ANKRD18A: variants seen among roughly 807,000 people sequenced by gnomAD.
ANKRD18A encodes the protein ankyrin repeat domain-containing protein 18A.
ANKRD18A carries 72 observed loss-of-function variants against 110.6 expected under a neutral mutation model. The ratio of observed to expected loss-of-function variants is 0.65; its 90% CI spans 0.54 to 0.79. The LOEUF (loss-of-function observed/expected upper bound fraction) is 0.79. ANKRD18A is among the 30% of genes least tolerant of loss of function. The pLI, the probability that ANKRD18A is intolerant of heterozygous loss-of-function variation, is 0.00. For synonymous variants in ANKRD18A, 305 were observed against 410.3 expected, an observed-to-expected ratio of 0.74 and a Z score of 3.10; for missense variants, 934 against 1,163.3, an observed-to-expected ratio of 0.80 and a Z score of 2.87.
chr9:38,598,374 C>G (rs976674226), intron 8 of ANKRD18A, among the ~76,000 whole-genome samples: 1 of 152,130 alleles, frequency 6.6e-6, no homozygotes, highest in Non-Finnish European at 1.5e-5. Context: ...TTTCCAGAAC[C>G]GTCATTTAGA....
downstream of ANKRD18A, chr9:38,567,359 T>C (rs1197674323): frequency 2.0e-5 from 3 of 152,226 alleles, no homozygotes; most frequent in Non-Finnish European, 4.4e-5. Flanking sequence ...ATCCTTGAAC[T>C]GGAAACAGTG....
intron 8 of ANKRD18A, among the ~76,000 whole-genome samples, chr9:38,598,022 A>G (rs1482680343): frequency 6.6e-6 from 1 of 152,218 alleles, no homozygotes; most frequent in Non-Finnish European, 1.5e-5. Flanking sequence ...AAACAGTTTG[A>G]GTCAAACAGA....
chr9:38,592,786 TA>T (rs1279436826), intron 10 of ANKRD18A, among the ~76,000 whole-genome samples: 7 of 152,054 alleles, frequency 4.6e-5, no homozygotes. Context: ...ACAACATGGA[TA>T]AAATTCTGAA....
In ANKRD18A at chr9:38,575,524, A is replaced by C. The variant is rs1823845915; in HGVS notation, c.2916T>G (p.Pro972=). 6.4e-7 allele frequency: 1 copy of C among 1,551,586 alleles called. No homozygotes were observed. The highest frequency in any genetic ancestry group is 1.2e-5 in the South Asian group (1 of 84,056). The change falls in exon 15 of 16, where the codon CCT becomes CCG. Residue 972 remains proline (P), a synonymous_variant. Transcript: ENST00000399703. ...TATTTGAAGTCTGTGGGTTTGAAGT[A>C]GGAATTCTTATGGCCGTTTTGGGAA... is the stretch of plus-strand genomic sequence containing the variant. ...KYIPKTAIRI[P]TSNPQTSNNC...
Position 38,595,651 on chromosome 9 carries a change from A to G in ANKRD18A, c.1689T>C (p.Ala563=). The G allele has an allele frequency of 6.4e-7, 1 of 1,551,022 alleles. No individual in the cohort carries two copies. The highest frequency in any genetic ancestry group is 8.7e-7 in the Non-Finnish European group (1 of 1,146,630). ...TCTCTTTATTATCGCCTTCCTTACGAGCATCCTCTAGTTGTCGTTCAAGCA... is the reference window on the plus strand; with the variant it reads ...TCTCTTTATTATCGCCTTCCTTACGGGCATCCTCTAGTTGTCGTTCAAGCA... The part of the protein sequence containing the change: ...NLLLERQLED[A]RKEGDNKEIV... Residue 563 remains alanine (A), a synonymous_variant, in exon 9 of 16, where the codon GCT becomes GCC. Transcript: ENST00000399703.
At chr9:38,600,151 C>G (rs984053024) in intron 8 of ANKRD18A, among the ~76,000 whole-genome samples, 1 of 152,096 alleles carries the variant, frequency 6.6e-6, no homozygotes, top group Non-Finnish European at 1.5e-5. Context: ...AAACGTGAAC[C>G]AGGAAGCTTA....
At chr9:38,615,202 T>C (rs537360897) in intron 3 of ANKRD18A, among the ~76,000 whole-genome samples, 12 of 152,138 alleles carry the variant, frequency 7.9e-5, no homozygotes, top group Non-Finnish European at 1.6e-4. Flanking sequence ...GATACATCCA[T>C]TTTGTTAGAA....
At chr9:38,579,630 T>C (rs1244524470) in intron 12 of ANKRD18A, among the ~76,000 whole-genome samples, 2 of 152,178 alleles carry the variant, frequency 1.3e-5, no homozygotes, top group Non-Finnish European at 2.9e-5. Context: ...CAATGTGATA[T>C]AATCTTGCTC....
chr9:38,617,893 C>G (rs1390053374), intron 1 of ANKRD18A, among the ~76,000 whole-genome samples: 2 of 152,008 alleles, frequency 1.3e-5, no homozygotes, highest in Non-Finnish European at 2.9e-5. Flanking sequence ...CTTCTATAAA[C>G]CAATATTTTT....
intron 10 of ANKRD18A, among the ~76,000 whole-genome samples, chr9:38,591,937 T>C (rs1419358813): frequency 6.6e-6 from 1 of 152,204 alleles, no homozygotes; most frequent in African/African-American, 2.4e-5. Context: ...CCTTCACGAG[T>C]ACTCTGCTGA....
rs190164865 is a variant in ANKRD18A, at chr9:38,588,763, G to C, written c.2005-100C>G. 3,966 of 888,226 alleles carry C rather than the reference G, an allele frequency of 4.5e-3. 15 individuals are homozygous for C. Among genetic ancestry groups the C allele is most frequent in the Middle Eastern group, 7.3e-3 (19 of 2,586 alleles). The allele number at this position is 888,226 out of a possible 1,614,324, so 55.0% of individuals were successfully genotyped here. A position where few individuals can be genotyped will look rare whatever the true frequency, so the allele number is the denominator to read the frequency against. ...TAAGTTGATGAATAATATGTATTTAGGCGGTTGTATAAAGTGCATTTTACA... is the reference window on the plus strand; with the variant it reads ...TAAGTTGATGAATAATATGTATTTACGCGGTTGTATAAAGTGCATTTTACA... On this transcript the variant is annotated intron_variant, in intron 10 of 15. Coordinates refer to ENST00000399703, the MANE Select transcript of ANKRD18A (RefSeq NM_147195.4).
At chr9:38,611,018 A>C (rs1380884075) in intron 4 of ANKRD18A, among the ~76,000 whole-genome samples, 197 bp downstream of exon 4, 2 of 152,150 alleles carry the variant, frequency 1.3e-5, no homozygotes, top group Non-Finnish European at 2.9e-5. Context: ...AGAGAAGATG[A>C]ATCCTACTAT....
chr9:38,577,163 G>T lies in ANKRD18A; in HGVS notation c.2631C>A (p.Phe877Leu). 6.5e-7 allele frequency: 1 copy of T among 1,549,060 alleles called. No individual in the cohort carries two copies. Among genetic ancestry groups the T allele is most frequent in the Non-Finnish European group, 8.7e-7 (1 of 1,146,378 alleles). Reference protein sequence around the residue: ...ELTLKDVECKFSKMKTAYEEV... With the variant: ...ELTLKDVECKLSKMKTAYEEV... ...CTTCATAAGCAGTTTTCATTTTGGA[G>T]AATTTACATTCCACATCTTTAAGTG... The change falls in exon 14 of 16, where the codon TTC (phenylalanine) becomes TTA (leucine). Residue 877 changes from phenylalanine (F) to leucine (L), a missense_variant. This residue lies in a region of ANKRD18A where 223 missense variants were observed against 226.7 expected (regional missense o/e 0.98). Coordinates refer to ENST00000399703, the MANE Select transcript of ANKRD18A (RefSeq NM_147195.4).
rs1458311459 is a variant in ANKRD18A, at chr9:38,571,819, C to A, written c.*226G>T. On this transcript the variant is annotated 3_prime_UTR_variant, in exon 16 of 16. Transcript: ENST00000399703. ...GGCTAAAAAACATCATTTAAAATAA[C>A]ATATAAATATACACCATATGTGACA... 2.9e-5 allele frequency: 34 copies of A among 1,183,598 alleles called. No homozygotes were observed. The highest frequency in any genetic ancestry group is 3.4e-5 in the Non-Finnish European group (32 of 950,040). 73.3% of individuals were successfully genotyped at this position (1,183,598 alleles called of 1,614,324 possible).
In ANKRD18A at chr9:38,604,602, C is replaced by T. The variant is rs78664277; in HGVS notation, c.809-1390G>A. ...GTATTTGCAGCCAAAAGCATTCTAC[C>T]TCAGAAGTTTCCCCTGGCCTACAGG... On this transcript the variant is annotated intron_variant, in intron 6 of 15. Coordinates refer to ENST00000399703, the MANE Select transcript of ANKRD18A (RefSeq NM_147195.4). Among the ~76,000 whole-genome samples the T allele has an allele frequency of 1.5e-3, 220 of 149,104 alleles. 4 individuals carry two copies. The highest frequency in any genetic ancestry group is 4.4e-3 in the East Asian group (22 of 5,054).
intron 8 of ANKRD18A, among the ~76,000 whole-genome samples, chr9:38,598,747 G>T (rs1824995690): frequency 6.6e-6 from 1 of 152,174 alleles, no homozygotes; most frequent in Non-Finnish European, 1.5e-5. Context: ...AAACACACTT[G>T]CCAAACACCT....
chr9:38,612,521 C>CTT (rs767816627), intron 3 of ANKRD18A, among the ~76,000 whole-genome samples: 4 of 124,286 alleles, frequency 3.2e-5, no homozygotes, highest in Non-Finnish European at 4.9e-5. Context: ...TTTTCTTTTT[C>CTT]TTTTTTTTTT....
intron 15 of ANKRD18A, chr9:38,572,852 T>C (rs1272999797): frequency 1.3e-5 from 3 of 236,254 alleles, no homozygotes; most frequent in African/African-American, 4.5e-5. Flanking sequence ...AAAAAAGAGA[T>C]GGATCCACTT....
chr9:38,608,704 C>T (rs1587536647), intron 5 of ANKRD18A, among the ~76,000 whole-genome samples: 2 of 144,130 alleles, frequency 1.4e-5, no homozygotes, highest in Admixed American at 6.9e-5. Flanking sequence ...TAATTATATA[C>T]ATTATATAAT....
Sources: allele counts gnomAD v4.1 joint callset (sites outside exome capture counted in the v4.1 genomes callset), GRCh38; gene constraint gnomAD v4.1.1; regional missense constraint gnomAD v4.1.1; transcripts MANE v1.5; gene names NCBI Gene and HGNC (gene_info 2026-07-23, HGNC 2026-07-21).